The following CHCHD10 variants were observed in gnomAD, a reference collection of about 807,000 sequenced individuals.
CHCHD10 encodes coiled-coil-helix-coiled-coil-helix domain-containing protein 10, mitochondrial.
Under a neutral mutation model 14.8 loss-of-function variants are expected in CHCHD10, and 10 were observed. The observed-to-expected ratio is 0.67, with a 90% CI of 0.42 to 1.14. CHCHD10 has a LOEUF of 1.14. Among genes scored for constraint, CHCHD10 ranks in the 50% most tolerant of loss-of-function variants. The pLI, the probability that CHCHD10 is intolerant of heterozygous loss-of-function variation, is 0.00. For missense variants in CHCHD10, 203 were observed against 196.9 expected (o/e 1.03, Z -0.19); for synonymous variants, 90 against 85.2 (o/e 1.06, Z -0.31).
intron 2 of CHCHD10, 106 bp from the exon 3 acceptor site, chr22:23,766,381 G>T: frequency 1.0e-6 from 1 of 982,018 alleles, no homozygotes; most frequent in Non-Finnish European, 1.5e-6. Context: ...CAGCCTGGGT[G>T]TCCCAAGGGT....
rs777049622 is a variant in CHCHD10, at chr22:23,766,153, G to C, written c.384C>G (p.Ala128=). Residue 128 remains alanine (A), a synonymous_variant, in exon 3 of 4, where the codon GCC becomes GCG. Transcript: ENST00000484558. ...DLSLCEGFSE[A]LKQCKYYHGL... ...CATGGTAGTACTTGCACTGCTTCAG[G>C]GCCTCGCTGAAGCCCTCACACAGGG... 2.0e-5 allele frequency: 32 copies of C among 1,613,514 alleles called. No homozygotes were observed. In the South Asian group the frequency reaches 3.5e-4, roughly 18 times the overall value.
In CHCHD10 at chr22:23,766,500, T is replaced by C. The variant is rs1601356221; in HGVS notation, c.262-225A>G. 11 of 514,656 alleles carry C rather than the reference T, an allele frequency of 2.1e-5. No homozygotes were observed. In the East Asian group the frequency reaches 3.6e-4, roughly 17 times the overall value. 31.9% of individuals were successfully genotyped at this position (514,656 alleles called of 1,614,324 possible). On this transcript the variant is annotated intron_variant, in intron 2 of 3. Transcript: ENST00000484558. ...CAGAGTCTCACTCTGTCACCTAGAG[T>C]GGAGTGCAGCGGCGCAGTCTCGGCT...
intron 2 of CHCHD10, 150 bp from the exon 3 acceptor site, chr22:23,766,425 G>A (rs936421285): frequency 3.2e-5 from 20 of 631,308 alleles, no homozygotes; most frequent in East Asian, 3.0e-4. Flanking sequence ...CAGCAGAGGC[G>A]GCTACAGACA....
intron 2 of CHCHD10, 83 bp from the exon 3 acceptor site, chr22:23,766,358 C>T: frequency 1.6e-6 from 2 of 1,272,172 alleles, no homozygotes; most frequent in Non-Finnish European, 2.2e-6. Context: ...CCACCTGCCC[C>T]TCCCCACATC....
chr22:23,766,607 C>T (rs1926845261), intron 2 of CHCHD10: 1 of 293,060 alleles, frequency 3.4e-6, no homozygotes, highest in Non-Finnish European at 6.4e-6. Context: ...CGCCCGCCAC[C>T]ATGCCCAACA....
At chr22:23,766,564 T>A (rs1320774527) in intron 2 of CHCHD10, 2 of 372,412 alleles carry the variant, frequency 5.4e-6, no homozygotes, top group Admixed American at 8.7e-5. Flanking sequence ...GTGGTTGTCC[T>A]GCCTTGGCCT....
Position 23,767,450 on chromosome 22 carries a change from C to G in CHCHD10, c.185G>C (p.Gly62Ala). The G allele has an allele frequency of 1.9e-6, 3 of 1,602,770 alleles. No homozygotes were observed. The highest frequency in any genetic ancestry group is 2.3e-5 in the East Asian group (1 of 44,408). The change falls in exon 2 of 4, where the codon GGA (glycine) becomes GCA (alanine). Residue 62 changes from glycine (G) to alanine (A), a missense_variant. Transcript: ENST00000484558. ...AAGVAVGSAVGHVMGSALTGA... is the reference protein window; with the variant it reads ...AAGVAVGSAVAHVMGSALTGA... ...GGTCAGGGCGCTGCCCATGACGTGTCCCACAGCCGAGCCCACGGCTACCCC... is the reference window on the plus strand; with the variant it reads ...GGTCAGGGCGCTGCCCATGACGTGTGCCACAGCCGAGCCCACGGCTACCCC...
chr22:23,767,039 C>G (rs1283865119), intron 2 of CHCHD10, among the ~76,000 whole-genome samples: 3 of 152,194 alleles, frequency 2.0e-5, no homozygotes, highest in Non-Finnish European at 4.4e-5. Context: ...GTGGGGAGAA[C>G]AGGGGCTCAG....
In CHCHD10 at chr22:23,767,510, G is replaced by T. The variant is rs1482881214; in HGVS notation, c.125C>A (p.Pro42Gln). The change falls in exon 2 of 4, where the codon CCG becomes CAG. Residue 42 changes from proline to glutamine, a missense_variant. Pro to Gln is a moderately conservative substitution (Grantham distance 76). Coordinates refer to ENST00000484558, the MANE Select transcript of CHCHD10 (RefSeq NM_213720.3). The stretch of plus-strand genomic sequence containing the variant: ...GGTCGCCATCTGAGCCATGAGCCCC[G>T]GCTGGCCCGAAGGGGCGGGGGCTGG... ...AAPAPAPSGQ[P>Q]GLMAQMATTA... The T allele has an allele frequency of 6.5e-7, 1 of 1,528,818 alleles. No individual in the cohort carries two copies. The highest frequency in any genetic ancestry group is 1.2e-5 in the South Asian group (1 of 83,610). 94.7% of individuals were successfully genotyped at this position (1,528,818 alleles called of 1,614,324 possible). A position where few individuals can be genotyped will look rare whatever the true frequency, so the allele number is the denominator to read the frequency against.
At chr22:23,766,345 G>C in intron 2 of CHCHD10, 70 bp from the exon 3 acceptor site, 1 of 1,399,420 alleles carries the variant, frequency 7.1e-7, no homozygotes, top group South Asian at 1.4e-5. Context: ...TTCAAACCTG[G>C]GGCCACCTGC....
chr22:23,766,005 C>T lies in CHCHD10; in HGVS notation c.*2G>A. 1 of 1,613,596 alleles carries T rather than the reference C, an allele frequency of 6.2e-7. No homozygotes were observed. The highest frequency in any genetic ancestry group is 8.5e-7 in the Non-Finnish European group (1 of 1,179,844). On this transcript the variant is annotated 3_prime_UTR_variant, in exon 4 of 4. Coordinates refer to ENST00000484558, the MANE Select transcript of CHCHD10 (RefSeq NM_213720.3). ...CTGGCCCCCGAGTCTGCACCGACCT[C>T]TTCAGGGCAGGGAGCTCAGACCTGG...
Position 23,766,279 on chromosome 22 carries a change from G to T in CHCHD10, c.262-4C>A. ...GGGGGGCAGCGGGGGTGGGGGCCTGGGGGTACAGTGCAAGAGGCTGCAGGA... is the reference window on the plus strand; with the variant it reads ...GGGGGGCAGCGGGGGTGGGGGCCTGTGGGTACAGTGCAAGAGGCTGCAGGA... On this transcript the variant is annotated splice_region_variant and splice_polypyrimidine_tract_variant and intron_variant, in intron 2 of 3. Transcript: ENST00000484558. The T allele has an allele frequency of 6.5e-7, 1 of 1,546,146 alleles. No individual in the cohort carries two copies.
chr22:23,766,347 G>A, intron 2 of CHCHD10, 72 bp from the exon 3 acceptor site: 3 of 1,383,130 alleles, frequency 2.2e-6, no homozygotes, highest in Non-Finnish European at 2.9e-6. Flanking sequence ...CAAACCTGGG[G>A]CCACCTGCCC....
chr22:23,766,451 CTT>C (rs131440), intron 2 of CHCHD10, 176 bp from the exon 3 acceptor site: 54,186 of 402,318 alleles, frequency 0.13, 5 homozygotes, highest in Non-Finnish European at 0.15. Context: ...TTTCTGCTGC[CTT>C]TTTTTTTTTT....
At position 23,766,432 on chromosome 22, in the gene CHCHD10, G is replaced by A. The variant is rs192346887; in HGVS notation, c.262-157C>T. On this transcript the variant is annotated intron_variant, in intron 2 of 3. Coordinates refer to ENST00000484558, the MANE Select transcript of CHCHD10 (RefSeq NM_213720.3). ...TGATCCAGCAGCAGAGGCGGCTACA[G>A]ACAGCATGTTTCTGCTGCCTTTTTT... 2.9e-3 allele frequency: 1,742 copies of A among 591,452 alleles called. 20 individuals are homozygous for A. Among genetic ancestry groups the A allele is most frequent in the African/African-American group, 0.026 (1,337 of 52,422 alleles). The allele number at this position is 591,452 out of a possible 1,614,324, so 36.6% of individuals were successfully genotyped here.
At chr22:23,766,767 T>C (rs1926861407) in intron 2 of CHCHD10, among the ~76,000 whole-genome samples, 1 of 152,172 alleles carries the variant, frequency 6.6e-6, no homozygotes, top group Non-Finnish European at 1.5e-5. Context: ...TGCCTTCTAA[T>C]GGGCACTTTG....
At position 23,767,553 on chromosome 22, in the gene CHCHD10, G is replaced by A. The variant is rs2145927205; in HGVS notation, c.82C>T (p.Pro28Ser). ...APSAHPPAHP[P>S]PSAAAPAPAP... ...GGGGCTGGGGCGGCTGCCGAGGGCG[G>A]TGGGTGCGCGGGCGGGTGGGCAGAG... Residue 28 changes from proline to serine, a missense_variant, in exon 2 of 4, where the codon CCG becomes TCG. Coordinates refer to ENST00000484558, the MANE Select transcript of CHCHD10 (RefSeq NM_213720.3). The A allele has an allele frequency of 7.1e-7, 1 of 1,399,736 alleles. No homozygotes were observed. The highest frequency in any genetic ancestry group is 1.5e-5 in the South Asian group (1 of 66,056). 86.7% of individuals were successfully genotyped at this position (1,399,736 alleles called of 1,614,324 possible).
In CHCHD10 at chr22:23,766,274, G is replaced by GCCTGGGGGGGGGGGGC; in HGVS notation, c.262_263insGCCCCCCCCCCCCAGG (p.Ala88GlyfsTer36). The GCCTGGGGGGGGGGGGC allele has an allele frequency of 1.4e-6, 2 of 1,440,708 alleles. No individual in the cohort carries two copies. The highest frequency in any genetic ancestry group is 2.0e-5 in the Admixed American group (1 of 50,176). 89.2% of individuals were successfully genotyped at this position (1,440,708 alleles called of 1,614,324 possible). A position where few individuals can be genotyped will look rare whatever the true frequency, so the allele number is the denominator to read the frequency against. The stretch of plus-strand genomic sequence containing the variant: ...GGGCTGGGGGGCAGCGGGGGTGGGG[G>GCCTGGGGGGGGGGGGC]CCTGGGGGTACAGTGCAAGAGGCTG... On this transcript the variant is annotated frameshift_variant and splice_region_variant, in exon 3 of 4. Coordinates refer to ENST00000484558, the MANE Select transcript of CHCHD10 (RefSeq NM_213720.3). LOFTEE classifies it high-confidence loss of function.
rs131444 is a variant in CHCHD10 at position 23,767,363 on chromosome 22, T to C, written c.261+11A>G. 1,441,750 of 1,605,712 alleles carry C rather than the reference T, an allele frequency of 0.9. 649,104 individuals carry two copies. The highest frequency in any genetic ancestry group is 0.97 in the African/African-American group (72,679 of 74,796). On this transcript the variant is annotated intron_variant, in intron 2 of 3. Coordinates refer to ENST00000484558, the MANE Select transcript of CHCHD10 (RefSeq NM_213720.3). ...AATCCTGCCTCAGTTTCTCTTGGACTCGCTGCTCACCTGCTGGACAGCAGG... is the reference window on the plus strand; with the variant it reads ...AATCCTGCCTCAGTTTCTCTTGGACCCGCTGCTCACCTGCTGGACAGCAGG...
Sources: gnomAD v4.1 joint callset for allele counts (sites outside exome capture counted in the v4.1 genomes callset) on GRCh38, gnomAD v4.1.1 for gene constraint, MANE v1.5 for transcripts, NCBI Gene and HGNC (gene_info 2026-07-23, HGNC 2026-07-21) for gene names.